The following TRIM2 variants were observed in gnomAD, a reference collection of about 807,000 sequenced individuals.
TRIM2 encodes tripartite motif containing 2, also known as tripartite motif-containing protein 2.
Under a neutral mutation model 75.2 loss-of-function variants are expected in TRIM2, and 20 were observed. The observed-to-expected ratio is 0.27, with a 90% CI of 0.19 to 0.39. The LOEUF (loss-of-function observed/expected upper bound fraction) is 0.39, where lower values mean the gene tolerates loss of function less well. Ranked by LOEUF, TRIM2 falls within the 10% of genes least tolerant of loss-of-function variation. The pLI, the probability that TRIM2 is intolerant of heterozygous loss-of-function variation, is 1.00. For synonymous variants in TRIM2, 373 were observed against 388.3 expected (o/e 0.96, Z 0.46); for missense variants, 660 against 990.8 (o/e 0.67, Z 4.48).
Position 153,270,429 on chromosome 4 carries a change from A to C in TRIM2, c.125A>C (p.Gln42Pro). The C allele has an allele frequency of 3.7e-6, 6 of 1,614,098 alleles. No individual in the cohort carries two copies. Among genetic ancestry groups the C allele is most frequent in the Non-Finnish European group, 4.2e-6 (5 of 1,179,978 alleles). ...AACATCCCAAGTCCTGTGGTGCGCC[A>C]GATTGACAAGCAGTTTCTGATTTGC... The part of the protein sequence containing the change: ...GTNIPSPVVR[Q>P]IDKQFLICSI... Residue 42 changes from glutamine to proline, a missense_variant, in exon 2 of 12, where the codon CAG becomes CCG. Gln to Pro is a moderately conservative substitution (Grantham distance 76, BLOSUM62 -1). This residue lies in a region of TRIM2 where 620 missense variants were observed against 891.0 expected (regional missense o/e 0.70). Transcript: ENST00000338700.
At chr4:153,158,159 G>C (rs559575531) in intron 1 of TRIM2, among the ~76,000 whole-genome samples, 2 of 152,244 alleles carry the variant, frequency 1.3e-5, no homozygotes, top group Non-Finnish European at 2.9e-5. Context: ...TCCAGGGACA[G>C]AGAGAGAAGG....
intron 1 of TRIM2, among the ~76,000 whole-genome samples, chr4:153,161,748 T>C (rs1729760577): frequency 6.6e-6 from 1 of 152,252 alleles, no homozygotes; most frequent in African/African-American, 2.4e-5. Context: ...GACTGAATAT[T>C]GGGCAGTATT....
Position 153,337,379 on chromosome 4 carries a change from G to GAAT in TRIM2, c.*2415_*2417dup, listed in dbSNP as rs1195550807. Reference sequence around the variant, plus strand: ...AGGCTAGATATCTCAATAGTAGACTGAATACAAAGCTAATTTTTTTTACAT... The same window carrying GAAT: ...AGGCTAGATATCTCAATAGTAGACTGAATAATACAAAGCTAATTTTTTTTACAT... On this transcript the variant is annotated 3_prime_UTR_variant, in exon 12 of 12. Transcript: ENST00000338700. 2.0e-6 allele frequency: 2 copies of GAAT among 985,668 alleles called. No individual in the cohort carries two copies. The highest frequency in any genetic ancestry group is 2.4e-6 in the Non-Finnish European group (2 of 829,932). The allele number at this position is 985,668 out of a possible 1,614,324, so 61.1% of individuals were successfully genotyped here. A position where few individuals can be genotyped will look rare whatever the true frequency, so the allele number is the denominator to read the frequency against.
intron 1 of TRIM2, among the ~76,000 whole-genome samples, chr4:153,172,179 GATTTTT>G (rs1361328956): frequency 1.3e-5 from 2 of 150,202 alleles, no homozygotes; most frequent in East Asian, 3.9e-4. Context: ...TTATTACAGT[GATTTTT>G]ATTTTTATTT....
intron 1 of TRIM2, among the ~76,000 whole-genome samples, chr4:153,194,551 C>T (rs1224668321): frequency 2.0e-5 from 3 of 151,950 alleles, no homozygotes; most frequent in African/African-American, 7.3e-5. Flanking sequence ...TGACAGAAAA[C>T]GGGTCAGTGG....
chr4:153,174,637 T>C (rs928598740), intron 1 of TRIM2, among the ~76,000 whole-genome samples: 3 of 152,230 alleles, frequency 2.0e-5, no homozygotes, highest in Admixed American at 2.0e-4. Flanking sequence ...TACTCACCAA[T>C]TATTCATCTC....
chr4:153,274,548 G>T (rs945739443), intron 2 of TRIM2, among the ~76,000 whole-genome samples: 3 of 152,218 alleles, frequency 2.0e-5, no homozygotes, highest in African/African-American at 7.2e-5. Context: ...GCTCAAAGGA[G>T]ATGTCTGTGG....
chr4:153,199,800 G>T (rs951101034), upstream of TRIM2, among the ~76,000 whole-genome samples: 2 of 151,912 alleles, frequency 1.3e-5, no homozygotes, highest in African/African-American at 4.8e-5. Flanking sequence ...AAGACACAGG[G>T]TCTTGCTCTG....
chr4:153,270,580 C>T (rs1756438315), intron 2 of TRIM2, 61 bp downstream of exon 2: 2 of 1,393,986 alleles, frequency 1.4e-6, no homozygotes, highest in Non-Finnish European at 1.9e-6. Flanking sequence ...CAACCTACTG[C>T]AGGATTCTTT....
intron 3 of TRIM2, among the ~76,000 whole-genome samples, chr4:153,284,664 G>A (rs1299147661): frequency 2.0e-5 from 3 of 152,012 alleles, no homozygotes; most frequent in Non-Finnish European, 2.9e-5. Flanking sequence ...ATCTTGTTGC[G>A]GTTTTGATTT....
At chr4:153,251,841 C>A (rs1750943306) in intron 1 of TRIM2, among the ~76,000 whole-genome samples, 1 of 152,032 alleles carries the variant, frequency 6.6e-6, no homozygotes, top group Admixed American at 6.6e-5. Flanking sequence ...ATTAACTTAG[C>A]ATGGTGGTAC....
intron 1 of TRIM2, among the ~76,000 whole-genome samples, chr4:153,171,852 T>C (rs1375562791): frequency 3.5e-5 from 4 of 115,394 alleles, no homozygotes; most frequent in African/African-American, 1.0e-4. Context: ...TTTTTTTTTT[T>C]TTCGCTAATG....
intron 1 of TRIM2, among the ~76,000 whole-genome samples, chr4:153,171,699 T>C (rs1192826824): frequency 1.3e-5 from 2 of 152,124 alleles, no homozygotes; most frequent in Non-Finnish European, 2.9e-5. Flanking sequence ...ATATGTTTCT[T>C]TTGGAAAATT....
intron 1 of TRIM2, among the ~76,000 whole-genome samples, chr4:153,233,706 A>G (rs191550458): frequency 1.3e-5 from 2 of 152,234 alleles, no homozygotes; most frequent in African/African-American, 2.4e-5. Flanking sequence ...GAATGCTTCA[A>G]TTTTGGTGGG....
chr4:153,273,232 A>T (rs1414436313), intron 2 of TRIM2, among the ~76,000 whole-genome samples: 6 of 147,262 alleles, frequency 4.1e-5, no homozygotes, highest in Non-Finnish European at 7.4e-5. Context: ...TCTGCTGGAC[A>T]TTCATACTGG....
chr4:153,308,331 CTG>C, intron 6 of TRIM2: 2 of 1,327,584 alleles, frequency 1.5e-6, no homozygotes, highest in South Asian at 1.2e-5. Context: ...CTTGTAGACT[CTG>C]TTAATTTCCT....
chr4:153,325,955 T>C (rs542014060), intron 10 of TRIM2, among the ~76,000 whole-genome samples: 1 of 152,296 alleles, frequency 6.6e-6, no homozygotes, highest in East Asian at 1.9e-4. Flanking sequence ...AATAGTTTCA[T>C]AAAATAGGTA....
rs147058700 is a variant in TRIM2, at chr4:153,294,430, T to C, written c.731T>C (p.Val244Ala). 2.5e-6 allele frequency: 4 copies of C among 1,614,070 alleles called. No individual in the cohort carries two copies. The highest frequency in any genetic ancestry group is 2.5e-6 in the Non-Finnish European group (3 of 1,180,026). ...GATGAGCTCCAGAAGACTTTAAATGTGCGCAAGAGTGTGCTGCTTATGGAA... is the reference window on the plus strand; with the variant it reads ...GATGAGCTCCAGAAGACTTTAAATGCGCGCAAGAGTGTGCTGCTTATGGAA... Reference protein sequence around the residue: ...TFDELQKTLNVRKSVLLMELE... With the variant: ...TFDELQKTLNARKSVLLMELE... Residue 244 changes from valine to alanine, a missense_variant, in exon 5 of 12, where the codon GTG becomes GCG. Val to Ala is a moderately conservative substitution (Grantham distance 64, BLOSUM62 0). Coordinates refer to ENST00000338700, the MANE Select transcript of TRIM2 (RefSeq NM_015271.5).
rs188071781 is a variant in TRIM2 at position 153,274,570 on chromosome 4, A to C, written c.216-1323A>C. On this transcript the variant is annotated intron_variant, in intron 2 of 11. Coordinates refer to ENST00000338700, the MANE Select transcript of TRIM2 (RefSeq NM_015271.5). ...GGAGATGTCTGTGGGAAGAAATATA[A>C]TTTTGGGAGCCTGATGCTTGTAGCC... Among the ~76,000 whole-genome samples the C allele has an allele frequency of 1.2e-4, 18 of 152,318 alleles. No individual in the cohort carries two copies. In the East Asian group the frequency reaches 3.5e-3, roughly 29 times the overall value.
Sources: allele counts gnomAD v4.1 joint callset (sites outside exome capture counted in the v4.1 genomes callset), GRCh38; gene constraint gnomAD v4.1.1; regional missense constraint gnomAD v4.1.1; transcripts MANE v1.5; gene names NCBI Gene and HGNC (gene_info 2026-07-23, HGNC 2026-07-21).